Variants in RASGRF1 observed in about 807,000 individuals in gnomAD.
The protein encoded by RASGRF1 is Ras protein specific guanine nucleotide releasing factor 1.
A neutral mutation model predicts 138.7 loss-of-function variants in RASGRF1; 40 were observed. The observed-to-expected ratio is 0.29, with a 90% CI of 0.22 to 0.38. The LOEUF (loss-of-function observed/expected upper bound fraction) is 0.38. Ranked by LOEUF, RASGRF1 falls within the 10% of genes least tolerant of loss-of-function variation. RASGRF1 has a pLI of 1.00. For synonymous variants in RASGRF1, 614 were observed against 663.2 expected, an observed-to-expected ratio of 0.93 and a Z score of 1.14; for missense variants, 1,108 against 1,650.4, an observed-to-expected ratio of 0.67 and a Z score of 5.69.
At chr15:79,035,926 A>T (rs931688652) in intron 5 of RASGRF1, among the ~76,000 whole-genome samples, 11 of 152,228 alleles carry the variant, frequency 7.2e-5, no homozygotes, top group African/African-American at 2.7e-4. Context: ...CGCTGCTTGC[A>T]AAGCCCCTGT....
intron 1 of RASGRF1, among the ~76,000 whole-genome samples, chr15:79,071,692 C>T (rs2057758199): frequency 6.6e-6 from 1 of 152,020 alleles, no homozygotes; most frequent in Non-Finnish European, 1.5e-5. Flanking sequence ...CTCCTTCTTT[C>T]TTTGTGTCTC....
rs1181847904 is a variant in RASGRF1 at position 79,090,301 on chromosome 15, G to A, written c.198C>T (p.Tyr66=). 1 of 1,613,560 alleles carries A rather than the reference G, an allele frequency of 6.2e-7. No individual in the cohort carries two copies. Among genetic ancestry groups the A allele is most frequent in the Admixed American group, 1.7e-5 (1 of 60,032 alleles). ...GGTCGCAGACGCAGCCCTCCAGCAGGTAAAGCCCCGAGGGCCGCGAGCTCG... is the reference window on the plus strand; with the variant it reads ...GGTCGCAGACGCAGCCCTCCAGCAGATAAAGCCCCGAGGGCCGCGAGCTCG... The part of the protein sequence containing the change: ...SDSSSRPSGL[Y]LLEGCVCDRA... Residue 66 remains tyrosine (Y), a synonymous_variant, in exon 1 of 27, where the codon TAC becomes TAT. Coordinates refer to ENST00000558480, the MANE Select transcript of RASGRF1 (RefSeq NM_001145648.3).
Position 78,985,114 on chromosome 15 carries a change from T to G in RASGRF1, c.3307A>C (p.Ile1103Leu). The change falls in exon 23 of 27, where the codon ATA becomes CTA. Residue 1103 changes from isoleucine to leucine, a missense_variant. By Grantham distance (5) the Ile-to-Leu change is conservative (BLOSUM62 2). Around this residue, in one of 3 missense-constraint regions of RASGRF1, gnomAD observed 686 missense variants for 976.7 expected, o/e 0.70. Transcript: ENST00000558480. ...AIEKWVAVAD[I>L]CRCLHNYNAV... is the part of the protein sequence containing the mutation. ...TTGTAGTTGTGGAGGCAGCGGCATA[T>G]GTCAGCTACGGCCACCCACTTCTCG... 1 of 1,613,628 alleles carries G rather than the reference T, an allele frequency of 6.2e-7. No homozygotes were observed. Among genetic ancestry groups the G allele is most frequent in the Non-Finnish European group, 8.5e-7 (1 of 1,179,532 alleles).
chr15:79,051,210 G>A (rs900577807), intron 3 of RASGRF1, among the ~76,000 whole-genome samples: 12 of 152,184 alleles, frequency 7.9e-5, no homozygotes, highest in African/African-American at 1.2e-4. Context: ...ATGAATGGGC[G>A]CTCATAATTG....
At chr15:78,978,022 C>T (rs1567434841) in intron 24 of RASGRF1, among the ~76,000 whole-genome samples, 1 of 152,060 alleles carries the variant, frequency 6.6e-6, no homozygotes, top group African/African-American at 2.4e-5. Flanking sequence ...GATGAGGCCA[C>T]TCTCAGGGCA....
chr15:79,060,970 C>G (rs963582978), intron 2 of RASGRF1, among the ~76,000 whole-genome samples: 4 of 151,908 alleles, frequency 2.6e-5, no homozygotes, highest in African/African-American at 9.7e-5. Flanking sequence ...GGTTGTGATC[C>G]AATTGAATGA....
intron 1 of RASGRF1, among the ~76,000 whole-genome samples, chr15:79,070,780 G>A (rs1185854996): frequency 6.6e-6 from 1 of 152,200 alleles, no homozygotes; most frequent in Admixed American, 6.5e-5. Flanking sequence ...TCCTTGGCAA[G>A]CTTGGGTGCC....
chr15:78,981,318 A>T (rs1275981592), intron 23 of RASGRF1: 1 of 152,266 alleles, frequency 6.6e-6, no homozygotes, highest in Non-Finnish European at 1.5e-5. Flanking sequence ...TGTCTGACCC[A>T]TGGAGCACCC....
intron 10 of RASGRF1, among the ~76,000 whole-genome samples, chr15:79,023,886 C>T (rs780901762): frequency 6.6e-6 from 1 of 152,028 alleles, no homozygotes; most frequent in South Asian, 2.1e-4. Flanking sequence ...AGTGGAGGCC[C>T]TCTACCCTGC....
chr15:79,086,378 G>C (rs2141112168), intron 1 of RASGRF1, among the ~76,000 whole-genome samples: 1 of 152,310 alleles, frequency 6.6e-6, no homozygotes, highest in South Asian at 2.1e-4. Context: ...TCTCATTTCT[G>C]CCATTGCCTT....
At position 78,973,025 on chromosome 15, in the gene RASGRF1, G is replaced by A. The variant is rs2055801094; in HGVS notation, c.3612+278C>T. Among the ~76,000 whole-genome samples, 1 of 152,140 alleles carries A rather than the reference G, an allele frequency of 6.6e-6. No homozygotes were observed. Among genetic ancestry groups the A allele is most frequent in the Admixed American group, 6.5e-5 (1 of 15,278 alleles). On this transcript the variant is annotated intron_variant, in intron 25 of 26. Transcript: ENST00000558480. The surrounding 1 kb of genome is among the most constrained non-coding windows in gnomAD (Gnocchi z 4.9). ...ACTTGACCTCACTCAGCCTCAGTCTGCTCATCTGAAAGGTGCAGAATAAGA... is the reference window on the plus strand; with the variant it reads ...ACTTGACCTCACTCAGCCTCAGTCTACTCATCTGAAAGGTGCAGAATAAGA...
intron 6 of RASGRF1, among the ~76,000 whole-genome samples, chr15:79,034,637 C>T (rs1595923656): frequency 6.6e-6 from 1 of 151,640 alleles, no homozygotes; most frequent in East Asian, 1.9e-4. Context: ...AAAAAGCATG[C>T]TTTTGGCATG....
intron 10 of RASGRF1, among the ~76,000 whole-genome samples, chr15:79,022,499 GCAAA>G (rs761977988): frequency 4.3e-5 from 3 of 69,746 alleles, no homozygotes; most frequent in Non-Finnish European, 8.3e-5. Flanking sequence ...TCACAAACAA[GCAAA>G]CAAACAGAAA....
At chr15:78,999,441 G>A (rs2056468519) in intron 17 of RASGRF1, among the ~76,000 whole-genome samples, 1 of 152,152 alleles carries the variant, frequency 6.6e-6, no homozygotes, top group Admixed American at 6.5e-5. Context: ...TTCAGGCCCT[G>A]GGTGTGTGCA....
At chr15:79,087,703 G>T (rs989428464) in intron 1 of RASGRF1, among the ~76,000 whole-genome samples, 1 of 152,254 alleles carries the variant, frequency 6.6e-6, no homozygotes, top group African/African-American at 2.4e-5. Flanking sequence ...TGGAGCAGCT[G>T]CTGGCACCAT....
rs181059534 is a variant in RASGRF1 at position 79,046,775 on chromosome 15, G to A, written c.849C>T (p.His283=). 3.7e-5 allele frequency: 60 copies of A among 1,614,248 alleles called. No individual in the cohort carries two copies. The highest frequency in any genetic ancestry group is 3.7e-4 in the Admixed American group (22 of 60,024). Residue 283 remains histidine, a synonymous_variant, in exon 5 of 27, where the codon CAC becomes CAT. Transcript: ENST00000558480. The surrounding 1 kb of genome is among the most constrained non-coding windows in gnomAD (Gnocchi z 5.3). ...TCAGGAAGATGCTGCTGACGTCGTC[G>A]TGTGTGATGGGAGGCTTCTTGGAGC... ...AASSKKPPIT[H]DDVSSIFLNS... is the part of the protein sequence containing the mutation.
intron 1 of RASGRF1, among the ~76,000 whole-genome samples, chr15:79,069,324 A>G (rs893509157): frequency 3.9e-5 from 6 of 152,174 alleles, no homozygotes; most frequent in African/African-American, 9.7e-5. Flanking sequence ...TGATTTTGCA[A>G]GCAACCTTTG....
chr15:79,078,241 C>G (rs911819370), intron 1 of RASGRF1, among the ~76,000 whole-genome samples: 2 of 151,816 alleles, frequency 1.3e-5, no homozygotes, highest in African/African-American at 4.8e-5. Context: ...CCATATAGGC[C>G]CCCCCGGCCC....
At chr15:78,970,506 C>T (rs749159442) in intron 26 of RASGRF1, among the ~76,000 whole-genome samples, 2 of 151,104 alleles carry the variant, frequency 1.3e-5, no homozygotes, top group African/African-American at 2.4e-5. Context: ...GTCCCTGATC[C>T]CAGCTATGCG....
Sources: gnomAD v4.1 joint callset for allele counts (sites outside exome capture counted in the v4.1 genomes callset) on GRCh38, gnomAD v4.1.1 for gene constraint, gnomAD v4.1.1 regional missense constraint, Gnocchi (gnomAD v3.1) non-coding constraint, MANE v1.5 for transcripts, NCBI Gene and HGNC (gene_info 2026-07-23, HGNC 2026-07-21) for gene names.